ANKDD1A: variants seen among roughly 807,000 people sequenced by gnomAD.
ANKDD1A encodes the protein ankyrin repeat and death domain containing 1A, also known as ankyrin repeat and death domain-containing protein 1A.
Under a neutral mutation model 63.5 loss-of-function variants are expected in ANKDD1A, and 59 were observed. That is an observed-to-expected ratio of 0.93 (90% CI 0.75 to 1.15). The LOEUF is 1.15. ANKDD1A is among the 50% of genes most tolerant of loss of function. The pLI, the probability that ANKDD1A is intolerant of heterozygous loss-of-function variation, is 0.00. For missense variants in ANKDD1A, 632 were observed against 656.4 expected, an observed-to-expected ratio of 0.96 and a Z score of 0.41; for synonymous variants, 266 against 263.9, an observed-to-expected ratio of 1.01 and a Z score of -0.08.
At chr15:64,943,267 T>C (rs940227674) in intron 10 of ANKDD1A, 3 of 536,366 alleles carry the variant, frequency 5.6e-6, no homozygotes, top group African/African-American at 1.9e-5. Flanking sequence ...TATCAGAGTT[T>C]ATAGTACACA....
At chr15:64,950,270 A>T (rs1347869523) in intron 14 of ANKDD1A, 9 of 984,838 alleles carry the variant, frequency 9.1e-6, no homozygotes, top group Admixed American at 1.2e-4. Context: ...ATACCTTGAC[A>T]TTTTTTTTCC....
At chr15:64,913,848 G>T (rs1260401192) in intron 1 of ANKDD1A, among the ~76,000 whole-genome samples, 1 of 152,178 alleles carries the variant, frequency 6.6e-6, no homozygotes, top group Non-Finnish European at 1.5e-5. Context: ...GGGGTCACTT[G>T]CCCTGCAGTG....
chr15:64,954,851 TTCTTC>T (rs1184145069), intron 14 of ANKDD1A, among the ~76,000 whole-genome samples: 14 of 84,494 alleles, frequency 1.7e-4, no homozygotes, highest in African/African-American at 2.2e-4. Context: ...TTCTTCCTTC[TTCTTC>T]TTTCTTCTCC....
chr15:64,928,925 G>C (rs1480191591), intron 6 of ANKDD1A, among the ~76,000 whole-genome samples: 1 of 152,170 alleles, frequency 6.6e-6, no homozygotes, highest in Non-Finnish European at 1.5e-5. Flanking sequence ...AACCCAGAAG[G>C]AAGAAGAAAG....
chr15:64,938,644 A>G (rs1220335645), intron 9 of ANKDD1A, among the ~76,000 whole-genome samples: 1 of 152,264 alleles, frequency 6.6e-6, no homozygotes, highest in Non-Finnish European at 1.5e-5. Flanking sequence ...ATCCTGCAAC[A>G]GAAAGGATAT....
intron 1 of ANKDD1A, among the ~76,000 whole-genome samples, chr15:64,913,768 C>T (rs745777389): frequency 3.9e-5 from 6 of 152,192 alleles, no homozygotes; most frequent in South Asian, 4.1e-4. Context: ...CCAAGACACT[C>T]GTCACCTGTC....
chr15:64,911,907 G>A lies in ANKDD1A; in HGVS notation c.-24G>A. ...GCGCCTCGCGCCCGGGCACCAGCGC[G>A]CGCAGGGGCTGCGGAGCGGCAGGAT... On this transcript the variant is annotated 5_prime_UTR_variant, in exon 1 of 15. Coordinates refer to ENST00000319580, the MANE Select transcript of ANKDD1A (RefSeq NM_182703.6). 1 of 1,247,698 alleles carries A rather than the reference G, an allele frequency of 8.0e-7. No individual in the cohort carries two copies. The highest frequency in any genetic ancestry group is 3.7e-5 in the South Asian group (1 of 27,062). 77.3% of individuals were successfully genotyped at this position (1,247,698 alleles called of 1,614,324 possible).
chr15:64,931,885 G>C (rs2085094224), intron 8 of ANKDD1A: 1 of 507,694 alleles, frequency 2.0e-6, no homozygotes, highest in Admixed American at 3.3e-5. Context: ...CTCAATACCT[G>C]TTAGTGTTTT....
chr15:64,912,497 G>T lies in ANKDD1A; in HGVS notation c.34+533G>T, dbSNP rs374889205. 2.0e-5 allele frequency among the ~76,000 whole-genome samples: 3 copies of T among 152,320 alleles called. No homozygotes were observed. In the South Asian group the frequency reaches 6.2e-4, roughly 32 times the overall value. On this transcript the variant is annotated intron_variant, in intron 1 of 14. Transcript: ENST00000319580. ...GATGGGGCACGCACTCAGAGGAGAGGAGCCTGACTGGCCACAGGTGGAATG... is the reference window on the plus strand; with the variant it reads ...GATGGGGCACGCACTCAGAGGAGAGTAGCCTGACTGGCCACAGGTGGAATG...
At chr15:64,919,466 T>C (rs1417560895) in intron 3 of ANKDD1A, among the ~76,000 whole-genome samples, 4 of 152,204 alleles carry the variant, frequency 2.6e-5, no homozygotes, top group Non-Finnish European at 4.4e-5. Context: ...TAATTTTTAA[T>C]TTAAAAAATA....
intron 14 of ANKDD1A, among the ~76,000 whole-genome samples, chr15:64,951,673 T>C (rs111063808): frequency 4.6e-4 from 8 of 17,438 alleles, no homozygotes; most frequent in East Asian, 0.033. Flanking sequence ...TTTTTCTTTC[T>C]TTCCTTCTTT....
chr15:64,952,781 CCT>C (rs2085320477), intron 14 of ANKDD1A, among the ~76,000 whole-genome samples: 3 of 24,488 alleles, frequency 1.2e-4, no homozygotes, highest in South Asian at 9.3e-4. Context: ...TTTTCTTCTT[CCT>C]TCTCCTTCTT....
Position 64,942,215 on chromosome 15 carries a change from T to G in ANKDD1A, c.868-252T>G, listed in dbSNP as rs1052424015. Among the ~76,000 whole-genome samples the G allele has an allele frequency of 2.8e-4, 42 of 152,118 alleles. 1 individual carries two copies. ...GGGAAATGACTTGCCCGAGGTCACA[T>G]AGTGAGTTCCTGATATAGCAGGTCT... On this transcript the variant is annotated intron_variant, in intron 9 of 14. Transcript: ENST00000319580.
chr15:64,924,556 C>CT (rs1481969471), intron 4 of ANKDD1A, among the ~76,000 whole-genome samples: 3 of 152,278 alleles, frequency 2.0e-5, no homozygotes, highest in East Asian at 3.8e-4. Context: ...TGCTTCTGCC[C>CT]TAAAGCTTTC....
chr15:64,952,113 TTCTTTCTTC>T (rs1217108403), intron 14 of ANKDD1A, among the ~76,000 whole-genome samples: 6 of 120,566 alleles, frequency 5.0e-5, no homozygotes, highest in Non-Finnish European at 9.1e-5. Flanking sequence ...TCTTTTCTTC[TTCTTTCTTC>T]TCTTTCTTCT....
At chr15:64,913,993 CT>C (rs151279671) in intron 1 of ANKDD1A, 45,668 of 144,840 alleles carry the variant, frequency 0.32, 7,955 homozygotes, top group Non-Finnish European at 0.41. Context: ...TTTCTGTTTT[CT>C]TTTTTTTTTT....
At position 64,923,714 on chromosome 15, in the gene ANKDD1A, G is replaced by C. The variant is rs571519969; in HGVS notation, c.366+1695G>C. Among the ~76,000 whole-genome samples, 35 of 152,326 alleles carry C rather than the reference G, an allele frequency of 2.3e-4. 3 individuals are homozygous for C. Among genetic ancestry groups the C allele is most frequent in the African/African-American group, 7.0e-4 (29 of 41,560 alleles). On this transcript the variant is annotated intron_variant, in intron 4 of 14. Coordinates refer to ENST00000319580, the MANE Select transcript of ANKDD1A (RefSeq NM_182703.6). ...GTGTGGGAGGGAGGGGCCAGCAGGA[G>C]GGCACCCTGTGAATACACCCAGGTT...
chr15:64,918,037 A>G (rs1219763568), intron 3 of ANKDD1A, among the ~76,000 whole-genome samples: 2 of 152,244 alleles, frequency 1.3e-5, no homozygotes, highest in African/African-American at 4.8e-5. Context: ...GACATTTGAA[A>G]GGGATACACT....
At chr15:64,936,493 A>G (rs1444594834) in intron 9 of ANKDD1A, among the ~76,000 whole-genome samples, 1 of 152,056 alleles carries the variant, frequency 6.6e-6, no homozygotes, top group Non-Finnish European at 1.5e-5. Flanking sequence ...TTTGTTTTTA[A>G]TACCAAAAGT....
Sources: allele counts gnomAD v4.1 joint callset (sites outside exome capture counted in the v4.1 genomes callset), GRCh38; gene constraint gnomAD v4.1.1; transcripts MANE v1.5; gene names NCBI Gene and HGNC (gene_info 2026-07-23, HGNC 2026-07-21).